DCTN5: variants seen among roughly 807,000 people sequenced by gnomAD.
The protein encoded by DCTN5 is dynactin subunit 5.
A neutral mutation model predicts 23.5 loss-of-function variants in DCTN5; 14 were observed. The observed-to-expected ratio is 0.60, with a 90% CI of 0.39 to 0.93. DCTN5 has a LOEUF of 0.93. Among genes scored for constraint, DCTN5 ranks in the 40% least tolerant of loss-of-function variants. The probability of loss-of-function intolerance (pLI) is 0.00; values close to 1 mark genes in which losing one functional copy is unlikely to be tolerated. For synonymous variants in DCTN5, 67 were observed against 79.6 expected (o/e 0.84, Z 0.84); for missense variants, 156 against 225.9 (o/e 0.69, Z 1.98).
At chr16:23,657,405 A>G (rs1343998522) in intron 2 of DCTN5, 1 of 357,026 alleles carries the variant, frequency 2.8e-6, no homozygotes, top group Admixed American at 3.5e-5. Context: ...GCAGTGAGCT[A>G]TGATTGTGGC....
intron 2 of DCTN5, among the ~76,000 whole-genome samples, chr16:23,654,034 A>C (rs185819540): frequency 6.6e-6 from 1 of 152,200 alleles, no homozygotes; most frequent in Non-Finnish European, 1.5e-5. Flanking sequence ...TCAGAAAATA[A>C]CAGATGCTGG....
chr16:23,644,022 A>G (rs1315282344), intron 2 of DCTN5, among the ~76,000 whole-genome samples: 1 of 152,120 alleles, frequency 6.6e-6, no homozygotes, highest in Non-Finnish European at 1.5e-5. Context: ...AGAGATCACA[A>G]ATATTTTCAG....
intron 2 of DCTN5, among the ~76,000 whole-genome samples, chr16:23,650,430 G>C (rs1967575426): frequency 6.6e-6 from 1 of 151,240 alleles, no homozygotes; most frequent in Admixed American, 6.6e-5. Context: ...CGATTCTCCT[G>C]CCTCCCTCCC....
intron 2 of DCTN5, among the ~76,000 whole-genome samples, chr16:23,653,743 CTA>C (rs1269637115): frequency 2.0e-5 from 3 of 152,148 alleles, no homozygotes. Context: ...GCAAAAGAAA[CTA>C]TTAACAGGGT....
chr16:23,648,222 C>CAT (rs1401111869), intron 2 of DCTN5, among the ~76,000 whole-genome samples: 1 of 151,986 alleles, frequency 6.6e-6, no homozygotes, highest in East Asian at 1.9e-4. Flanking sequence ...GTGGCACAAT[C>CAT]ATAGCTCACT....
intron 3 of DCTN5, among the ~76,000 whole-genome samples, chr16:23,660,601 A>T (rs976839099): frequency 6.6e-6 from 1 of 152,228 alleles, no homozygotes; most frequent in African/African-American, 2.4e-5. Flanking sequence ...AGCCCTTATC[A>T]CAGTTGTCAC....
intron 2 of DCTN5, among the ~76,000 whole-genome samples, chr16:23,645,605 CTA>C (rs1170796357): frequency 1.3e-5 from 2 of 152,190 alleles, no homozygotes; most frequent in Non-Finnish European, 2.9e-5. Context: ...CTTTCTGTCT[CTA>C]TGAATTTGCC....
intron 2 of DCTN5, chr16:23,657,644 A>C (rs1008783537): frequency 3.8e-6 from 1 of 261,888 alleles, no homozygotes; most frequent in African/African-American, 2.4e-5. Context: ...GGGTTTCACC[A>C]TGTTGGCCAG....
At chr16:23,641,820 C>T (rs936135610) in intron 1 of DCTN5, among the ~76,000 whole-genome samples, 12 of 152,068 alleles carry the variant, frequency 7.9e-5, no homozygotes, top group African/African-American at 2.9e-4. Flanking sequence ...AAAGTGCCTT[C>T]GGGAGGATAG....
At chr16:23,662,296 C>T (rs1028473242) in intron 4 of DCTN5, among the ~76,000 whole-genome samples, 10 of 152,116 alleles carry the variant, frequency 6.6e-5, no homozygotes, top group African/African-American at 2.4e-4. Flanking sequence ...CATCAAAGGG[C>T]ATTTACATGT....
intron 5 of DCTN5, 85 bp from the exon 6 acceptor site, chr16:23,666,962 G>T: frequency 1.9e-6 from 3 of 1,575,254 alleles, no homozygotes; most frequent in East Asian, 4.6e-5. Flanking sequence ...GCATCTGATT[G>T]AGGTGAGAAG....
intron 2 of DCTN5, among the ~76,000 whole-genome samples, chr16:23,645,136 T>A (rs1418362363): frequency 4.4e-5 from 2 of 44,952 alleles, no homozygotes. Flanking sequence ...TATATATATA[T>A]ATTTTTTTTT....
At chr16:23,666,935 A>C in intron 5 of DCTN5, 112 bp from the exon 6 acceptor site, 2 of 1,510,696 alleles carry the variant, frequency 1.3e-6, no homozygotes, top group Non-Finnish European at 1.8e-6. Flanking sequence ...GCGATTATTT[A>C]AGTGATTGTC....
rs1481975177 is a variant in DCTN5, at chr16:23,645,118, TATATATATATATATATA to T, written c.117+2096_117+2112del. ...ATATATATATATATATATATATATA[TATATATATATATATATA>T]TATTTTTTTTTTTTTTAATACGCAG... On this transcript the variant is annotated intron_variant, in intron 2 of 5. Transcript: ENST00000300087. 8.6e-3 allele frequency among the ~76,000 whole-genome samples: 367 copies of T among 42,490 alleles called. 20 individuals are homozygous for T. The highest frequency in any genetic ancestry group is 0.026 in the African/African-American group (279 of 10,802). The allele number at this position is 42,490 out of a possible 152,430, so 27.9% of individuals were successfully genotyped here. A position where few individuals can be genotyped will look rare whatever the true frequency, so the allele number is the denominator to read the frequency against.
Position 23,674,586 on chromosome 16 carries a change from C to A in DCTN5, c.*7442C>A, listed in dbSNP as rs1968061854. ...TCCCTCACTTTTCTCCCAGCACACA[C>A]AGCTTAGTAAGGTAGGTGGATTATT... On this transcript the variant is annotated 3_prime_UTR_variant, in exon 6 of 6. Transcript: ENST00000300087. 2.0e-5 allele frequency: 3 copies of A among 152,200 alleles called. No individual in the cohort carries two copies. Among genetic ancestry groups the A allele is most frequent in the Non-Finnish European group, 4.4e-5 (3 of 68,048 alleles). The allele number at this position is 152,200 out of a possible 1,614,324, so 9.4% of individuals were successfully genotyped here. A position where few individuals can be genotyped will look rare whatever the true frequency, so the allele number is the denominator to read the frequency against.
chr16:23,659,345 T>C (rs760546440), intron 3 of DCTN5, among the ~76,000 whole-genome samples: 2 of 152,254 alleles, frequency 1.3e-5, no homozygotes, highest in Non-Finnish European at 2.9e-5. Flanking sequence ...ATAATGGTGC[T>C]AAAGTATTCT....
rs895020982 is a variant in DCTN5 at position 23,672,086 on chromosome 16, G to A, written c.*4942G>A. 7 of 152,202 alleles carry A rather than the reference G, an allele frequency of 4.6e-5. No homozygotes were observed. Among genetic ancestry groups the A allele is most frequent in the Admixed American group, 1.3e-4 (2 of 15,270 alleles). 9.4% of individuals were successfully genotyped at this position (152,202 alleles called of 1,614,324 possible). A position where few individuals can be genotyped will look rare whatever the true frequency, so the allele number is the denominator to read the frequency against. On this transcript the variant is annotated 3_prime_UTR_variant, in exon 6 of 6. Coordinates refer to ENST00000300087, the MANE Select transcript of DCTN5 (RefSeq NM_032486.4). Reference sequence around the variant, plus strand: ...CTGCTCTTTCTGATTTCCCACAGGAGCAGTAAGAACCTGAGGAAGAGTAGG... The same window carrying A: ...CTGCTCTTTCTGATTTCCCACAGGAACAGTAAGAACCTGAGGAAGAGTAGG...
At chr16:23,643,288 T>C (rs1392046806) in intron 2 of DCTN5, among the ~76,000 whole-genome samples, 3 of 151,680 alleles carry the variant, frequency 2.0e-5, no homozygotes, top group Non-Finnish European at 2.9e-5. Flanking sequence ...GTCTCCCAGG[T>C]TCAACCAGTT....
chr16:23,646,374 T>G (rs1419699721), intron 2 of DCTN5, among the ~76,000 whole-genome samples: 2 of 152,208 alleles, frequency 1.3e-5, no homozygotes, highest in Non-Finnish European at 2.9e-5. Context: ...TCTTCCTTTC[T>G]GTAGATTTTG....
Sources: gnomAD v4.1 joint callset for allele counts (sites outside exome capture counted in the v4.1 genomes callset) on GRCh38, gnomAD v4.1.1 for gene constraint, MANE v1.5 for transcripts, NCBI Gene and HGNC (gene_info 2026-07-23, HGNC 2026-07-21) for gene names.